The following LY96 variants were observed in gnomAD, a reference collection of about 807,000 sequenced individuals.
LY96 encodes lymphocyte antigen 96.
Under a neutral mutation model 18.9 loss-of-function variants are expected in LY96, and 18 were observed. The observed-to-expected ratio is 0.95, with a 90% CI of 0.66 to 1.41. LY96 has a LOEUF of 1.41. Among genes scored for constraint, LY96 ranks in the 40% most tolerant of loss-of-function variants. The pLI is 0.00. For synonymous variants in LY96, 66 were observed against 62.6 expected, an observed-to-expected ratio of 1.06 and a Z score of -0.26; for missense variants, 175 against 182.4, an observed-to-expected ratio of 0.96 and a Z score of 0.23.
chr8:74,069,068 G>A, the LY96 span, among the ~76,000 whole-genome samples: 5 of 152,098 alleles, frequency 3.3e-5, no homozygotes, highest in East Asian at 7.7e-4. Flanking sequence ...TTACAGGTGT[G>A]AGCCATTGCG....
the LY96 span, among the ~76,000 whole-genome samples, chr8:74,067,200 G>A: frequency 4.6e-5 from 7 of 152,010 alleles, no homozygotes; most frequent in Admixed American, 3.9e-4. Context: ...TTAACTTCCC[G>A]GCTTTATTTA....
chr8:74,046,466 C>T, the LY96 span, among the ~76,000 whole-genome samples: 4 of 152,148 alleles, frequency 2.6e-5, no homozygotes, highest in Non-Finnish European at 5.9e-5. Context: ...TTATTAGGAA[C>T]ACATTTTTCA....
the LY96 span, among the ~76,000 whole-genome samples, chr8:74,083,238 G>A: frequency 1.3e-5 from 2 of 151,702 alleles, no homozygotes; most frequent in Non-Finnish European, 2.9e-5. Context: ...TTTTTGAGAC[G>A]TAGTCTTGTT....
chr8:74,023,187 C>T (rs1816805050), intron 3 of LY96, among the ~76,000 whole-genome samples: 1 of 152,208 alleles, frequency 6.6e-6, no homozygotes, highest in African/African-American at 2.4e-5. Context: ...CCCCTCCCCT[C>T]TTCTGTCCAG....
At chr8:74,022,501 T>C (rs1301177112) in intron 3 of LY96, among the ~76,000 whole-genome samples, 2 of 151,460 alleles carry the variant, frequency 1.3e-5, no homozygotes, top group Non-Finnish European at 2.9e-5. Context: ...CAGAAGAGGT[T>C]AGAACTCCTT....
chr8:73,999,498 G>A (rs1345774434), intron 1 of LY96, among the ~76,000 whole-genome samples: 5 of 152,108 alleles, frequency 3.3e-5, no homozygotes, highest in East Asian at 1.9e-4. Flanking sequence ...GGACTCAAGC[G>A]ATTCTGCTGT....
At chr8:74,040,151 A>G in the LY96 span, among the ~76,000 whole-genome samples, 1 of 152,254 alleles carries the variant, frequency 6.6e-6, no homozygotes, top group African/African-American at 2.4e-5. Context: ...AGGTTATATT[A>G]GTAATGCAAC....
chr8:74,036,530 G>C, the LY96 span, among the ~76,000 whole-genome samples: 4 of 151,992 alleles, frequency 2.6e-5, no homozygotes, highest in Non-Finnish European at 5.9e-5. Flanking sequence ...TTACTCAACT[G>C]GTCCTGTGTC....
At position 73,991,527 on chromosome 8, in the gene LY96, G is replaced by A. The variant is rs199978698; in HGVS notation, c.85G>A (p.Asp29Asn). ...GCAGTATTGGGTCTGCAACTCATCC[G>A]ATGCAAGTATTTCATACACCTACTG... ...QKQYWVCNSS[D>N]ASISYTYCDK... The change falls in exon 1 of 5, where the codon GAT (aspartate) becomes AAT (asparagine). Residue 29 changes from aspartate to asparagine, a missense_variant. By Grantham distance (23) the Asp-to-Asn change is conservative. Coordinates refer to ENST00000284818, the MANE Select transcript of LY96 (RefSeq NM_015364.5). 2.6e-5 allele frequency: 42 copies of A among 1,609,590 alleles called. No individual in the cohort carries two copies. The Admixed American group carries it at 3.0e-4, about 11-fold the overall frequency.
intron 3 of LY96, among the ~76,000 whole-genome samples, chr8:74,019,718 C>T (rs947903373): frequency 4.6e-5 from 7 of 152,124 alleles, no homozygotes; most frequent in South Asian, 2.1e-4. Flanking sequence ...AAAGCTTATG[C>T]GCCAAGATCA....
chr8:74,081,091 T>TTCTC, the LY96 span, among the ~76,000 whole-genome samples: 64 of 113,344 alleles, frequency 5.6e-4, 3 homozygotes, highest in African/African-American at 9.9e-4. Flanking sequence ...CTTTCTCTCT[T>TTCTC]TCTTTCTTTC....
chr8:74,046,014 C>T, the LY96 span, among the ~76,000 whole-genome samples: 3,082 of 152,212 alleles, frequency 0.02, 98 homozygotes, highest in African/African-American at 0.061. Context: ...CACGGTGGCT[C>T]GTGCCTGAAA....
At chr8:74,029,269 A>C (rs1201047149), downstream of LY96, among the ~76,000 whole-genome samples, 1 of 152,108 alleles carries the variant, frequency 6.6e-6, no homozygotes, top group African/African-American at 2.4e-5. Context: ...ATGTGGAGGG[A>C]GGGGAAGAAT....
At chr8:74,098,919 A>G in the LY96 span, among the ~76,000 whole-genome samples, 11 of 152,192 alleles carry the variant, frequency 7.2e-5, no homozygotes, top group South Asian at 2.3e-3. Flanking sequence ...GTCCTAGAAA[A>G]TAGTCCTTAC....
chr8:74,069,476 G>C, the LY96 span, among the ~76,000 whole-genome samples: 3 of 152,190 alleles, frequency 2.0e-5, no homozygotes, highest in African/African-American at 7.2e-5. Context: ...CACGTGACCA[G>C]GAAGAAATAT....
intron 3 of LY96, among the ~76,000 whole-genome samples, chr8:74,013,268 G>A (rs1033931150): frequency 5.3e-5 from 8 of 151,952 alleles, no homozygotes; most frequent in East Asian, 3.9e-4. Flanking sequence ...GACTACAGGC[G>A]TGTGTCACCA....
At chr8:74,001,348 C>T (rs376324953) in intron 1 of LY96, among the ~76,000 whole-genome samples, 111 of 151,940 alleles carry the variant, frequency 7.3e-4, no homozygotes, top group African/African-American at 2.4e-3. Flanking sequence ...CTCAGCCTCC[C>T]GAATAGCTGA....
chr8:74,076,227 C>A, the LY96 span, among the ~76,000 whole-genome samples: 5 of 151,262 alleles, frequency 3.3e-5, no homozygotes, highest in Admixed American at 3.3e-4. Context: ...CTCGGTGATG[C>A]CCCTCCATGT....
At chr8:74,062,591 C>T in the LY96 span, among the ~76,000 whole-genome samples, 2 of 152,156 alleles carry the variant, frequency 1.3e-5, no homozygotes, top group South Asian at 2.1e-4. Flanking sequence ...CTTTTTATGG[C>T]TGCATAGTAT....
Sources: allele counts gnomAD v4.1 joint callset (sites outside exome capture counted in the v4.1 genomes callset), GRCh38; gene constraint gnomAD v4.1.1; transcripts MANE v1.5; gene names NCBI Gene and HGNC (gene_info 2026-07-23, HGNC 2026-07-21).